RABGAP1L: variants seen among roughly 807,000 people sequenced by gnomAD.
RABGAP1L encodes rab GTPase-activating protein 1-like.
RABGAP1L carries 63 observed loss-of-function variants against 137.7 expected under a neutral mutation model. The observed-to-expected ratio is 0.46, with a 90% CI of 0.37 to 0.56. The LOEUF (loss-of-function observed/expected upper bound fraction) is 0.56, where lower values mean the gene tolerates loss of function less well. RABGAP1L is among the 20% of genes least tolerant of loss of function. The pLI, the probability that RABGAP1L is intolerant of heterozygous loss-of-function variation, is 0.00. For missense variants in RABGAP1L, 1,095 were observed against 1,244.0 expected, an observed-to-expected ratio of 0.88 and a Z score of 1.80; for synonymous variants, 431 against 433.7, an observed-to-expected ratio of 0.99 and a Z score of 0.08.
intron 13 of RABGAP1L, among the ~76,000 whole-genome samples, chr1:174,574,079 G>A (rs914740867): frequency 1.3e-5 from 2 of 152,124 alleles, no homozygotes; most frequent in African/African-American, 4.8e-5. Context: ...AGCCTTATCG[G>A]GTCATTACAG....
At chr1:174,170,672 A>C (rs999195667) in intron 1 of RABGAP1L, among the ~76,000 whole-genome samples, 1 of 60,252 alleles carries the variant, frequency 1.7e-5, no homozygotes, top group Non-Finnish European at 3.1e-5. Context: ...ACGCTGTTTC[A>C]AAAAAAAAAA....
intron 13 of RABGAP1L, among the ~76,000 whole-genome samples, chr1:174,398,305 G>A (rs2149094597): frequency 6.6e-6 from 1 of 152,100 alleles, no homozygotes; most frequent in East Asian, 1.9e-4. Context: ...AGGAAAAGAA[G>A]GTAGGGACAC....
chr1:174,550,917 C>CAG (rs1553330146), intron 13 of RABGAP1L, among the ~76,000 whole-genome samples: 1 of 96,428 alleles, frequency 1.0e-5, no homozygotes, highest in Non-Finnish European at 1.9e-5. Flanking sequence ...TATACACACA[C>CAG]ACACATATAT....
intron 13 of RABGAP1L, among the ~76,000 whole-genome samples, chr1:174,562,999 A>G (rs35246360): frequency 6.6e-6 from 1 of 151,914 alleles, no homozygotes; most frequent in African/African-American, 2.4e-5. Flanking sequence ...AACTTAAAGT[A>G]TAATAAAAAA....
chr1:174,970,730 C>T (rs2149366646), intron 21 of RABGAP1L, among the ~76,000 whole-genome samples: 1 of 150,804 alleles, frequency 6.6e-6, no homozygotes, highest in Middle Eastern at 3.4e-3. Flanking sequence ...GTAAAGCTAT[C>T]CTAAAAAAAA....
chr1:174,740,612 G>T (rs1683311516), intron 17 of RABGAP1L, among the ~76,000 whole-genome samples: 1 of 152,102 alleles, frequency 6.6e-6, no homozygotes. Context: ...GGCATTGCTG[G>T]ATCAAATGGT....
rs59390821 is a variant in RABGAP1L at position 174,853,240 on chromosome 1, T to G, written c.2340+41280T>G. Among the ~76,000 whole-genome samples, 801 of 151,664 alleles carry G rather than the reference T, an allele frequency of 5.3e-3. 9 individuals are homozygous for G. The highest frequency in any genetic ancestry group is 0.018 in the African/African-American group (758 of 41,396). ...AGGAGGCTGGGTTGTTTTTTTTTTT[T>G]TTAACATCCAGTAAAACATGATTGA... On this transcript the variant is annotated intron_variant, in intron 19 of 25. Transcript: ENST00000681986.
rs141321506 is a variant in RABGAP1L, at chr1:174,805,208, A to C, written c.2212-6624A>C. 3.0e-3 allele frequency among the ~76,000 whole-genome samples: 450 copies of C among 152,298 alleles called. 2 individuals are homozygous for C. Among genetic ancestry groups the C allele is most frequent in the African/African-American group, 9.1e-3 (377 of 41,562 alleles). The stretch of plus-strand genomic sequence containing the variant: ...ATGTGTCAGGCAATTTGCTTAATTC[A>C]TATCACTGGGGTAAGTGCAAAGGAT... On this transcript the variant is annotated intron_variant, in intron 18 of 25. Transcript: ENST00000681986.
In RABGAP1L at chr1:174,564,930, C is replaced by T. The variant is rs564490784; in HGVS notation, c.1711-72445C>T. Among the ~76,000 whole-genome samples, 21 of 150,030 alleles carry T rather than the reference C, an allele frequency of 1.4e-4. 2 individuals are homozygous for T. The highest frequency in any genetic ancestry group is 5.1e-4 in the African/African-American group (20 of 39,512). On this transcript the variant is annotated intron_variant, in intron 13 of 25. Coordinates refer to ENST00000681986, the MANE Select transcript of RABGAP1L (RefSeq NM_001366446.1). ...AAATACAATACAACTCCCCCCTGCC[C>T]GAAAAAAGTTATTTTATAATATCAT...
chr1:174,231,467 G>A, intron 4 of RABGAP1L, 112 bp downstream of exon 4: 1 of 964,148 alleles, frequency 1.0e-6, no homozygotes, highest in Non-Finnish European at 1.6e-6. Context: ...CTGTAGACAT[G>A]CAGAGTAAAC....
chr1:174,254,268 G>C (rs1030726471), intron 7 of RABGAP1L, among the ~76,000 whole-genome samples: 1 of 152,132 alleles, frequency 6.6e-6, no homozygotes, highest in Non-Finnish European at 1.5e-5. Flanking sequence ...TAAATTTTAA[G>C]ATGCATGTGT....
intron 10 of RABGAP1L, among the ~76,000 whole-genome samples, chr1:174,295,485 G>A (rs1158733201): frequency 6.6e-6 from 1 of 151,950 alleles, no homozygotes; most frequent in Non-Finnish European, 1.5e-5. Flanking sequence ...ATGGGTTCAA[G>A]CGATTCTCTT....
intron 14 of RABGAP1L, among the ~76,000 whole-genome samples, chr1:174,662,106 T>TC (rs1021568175): frequency 3.9e-4 from 43 of 111,260 alleles, no homozygotes; most frequent in African/African-American, 1.8e-3. Context: ...TCTTTTCTTT[T>TC]TTTTTTTTTT....
intron 13 of RABGAP1L, chr1:174,545,795 T>C (rs1453196417): frequency 2.0e-5 from 3 of 152,260 alleles, no homozygotes; most frequent in Non-Finnish European, 2.9e-5. Context: ...ACCTAATTGC[T>C]TCCAAGCTTC....
At chr1:174,268,405 A>G (rs540957804) in intron 7 of RABGAP1L, among the ~76,000 whole-genome samples, 47 of 151,952 alleles carry the variant, frequency 3.1e-4, no homozygotes, top group Non-Finnish European at 5.6e-4. Flanking sequence ...AGGTTTCACC[A>G]TGTTAGCCAG....
chr1:174,693,574 ACTTTT>A (rs944045608), intron 15 of RABGAP1L, among the ~76,000 whole-genome samples: 9 of 151,408 alleles, frequency 5.9e-5, no homozygotes, highest in African/African-American at 9.7e-5. Flanking sequence ...GTTATGCATC[ACTTTT>A]CTTTTTTTTT....
chr1:174,465,842 C>A (rs368680246), intron 13 of RABGAP1L, among the ~76,000 whole-genome samples: 155 of 152,286 alleles, frequency 1.0e-3, no homozygotes, highest in African/African-American at 3.4e-3. Context: ...GACTTCTGAT[C>A]TGCTAATGTC....
At chr1:174,963,083 A>G (rs1329572717) in intron 20 of RABGAP1L, among the ~76,000 whole-genome samples, 1 of 151,986 alleles carries the variant, frequency 6.6e-6, no homozygotes, top group Non-Finnish European at 1.5e-5. Context: ...TGGGTGACAG[A>G]GCAAGACTCC....
At position 174,199,917 on chromosome 1, in the gene RABGAP1L, T is replaced by C. The variant is rs577487101; in HGVS notation, c.-33-19208T>C. ...GAATTATTGGCTCTAAAAAATACTT[T>C]CTTAGGTTCTCTCTAGTCATGATTA... On this transcript the variant is annotated intron_variant, in intron 1 of 25. Transcript: ENST00000681986. 1.1e-4 allele frequency among the ~76,000 whole-genome samples: 17 copies of C among 152,330 alleles called. No individual in the cohort carries two copies. The South Asian group carries it at 1.4e-3, about 13-fold the overall frequency.
Sources: gnomAD v4.1 joint callset for allele counts (sites outside exome capture counted in the v4.1 genomes callset) on GRCh38, gnomAD v4.1.1 for gene constraint, MANE v1.5 for transcripts, NCBI Gene and HGNC (gene_info 2026-07-23, HGNC 2026-07-21) for gene names.